The following MAPK10 variants were observed in gnomAD, a reference collection of about 807,000 sequenced individuals.
MAPK10 encodes the protein mitogen-activated protein kinase 10.
In MAPK10, 25 loss-of-function variants were observed where a neutral mutation model predicts 59.3. The ratio of observed to expected loss-of-function variants is 0.42; its 90% CI spans 0.31 to 0.59. The LOEUF (loss-of-function observed/expected upper bound fraction) is 0.59, where lower values mean the gene tolerates loss of function less well. Ranked by LOEUF, MAPK10 falls within the 20% of genes least tolerant of loss-of-function variation. The pLI is 0.15. For synonymous variants in MAPK10, 190 were observed against 200.5 expected (o/e 0.95, Z 0.44); for missense variants, 351 against 568.9 (o/e 0.62, Z 3.90).
chr4:86,450,467 A>T (rs1046589948), intron 1 of MAPK10, among the ~76,000 whole-genome samples: 1 of 152,236 alleles, frequency 6.6e-6, no homozygotes, highest in African/African-American at 2.4e-5. Context: ...AGTCTATTTG[A>T]AAACAGAAAG....
intron 3 of MAPK10, among the ~76,000 whole-genome samples, chr4:86,161,022 C>G (rs187861101): frequency 6.8e-4 from 104 of 151,978 alleles, no homozygotes; most frequent in African/African-American, 2.4e-3. Flanking sequence ...GTGGCAAAAC[C>G]TACAAATCCA....
chr4:86,532,067 TA>T (rs1484926358), intron 1 of MAPK10, among the ~76,000 whole-genome samples: 1 of 147,612 alleles, frequency 6.8e-6, no homozygotes, highest in African/African-American at 2.5e-5. Context: ...TTATATATAT[TA>T]TTTTTATATA....
intron 1 of MAPK10, among the ~76,000 whole-genome samples, chr4:86,585,312 T>C (rs953801642): frequency 6.6e-6 from 1 of 152,204 alleles, no homozygotes; most frequent in African/African-American, 2.4e-5. Context: ...CACAAATTAC[T>C]ATGGGCAAGA....
intron 1 of MAPK10, among the ~76,000 whole-genome samples, chr4:86,574,141 T>G (rs1057469361): frequency 6.6e-6 from 1 of 151,752 alleles, no homozygotes; most frequent in African/African-American, 2.4e-5. Flanking sequence ...CACCTATGAG[T>G]GAGAACATGC....
At chr4:86,239,059 G>T (rs1209544516) in intron 2 of MAPK10, among the ~76,000 whole-genome samples, 2 of 152,086 alleles carry the variant, frequency 1.3e-5, no homozygotes, top group African/African-American at 4.8e-5. Context: ...AACCCGAAGG[G>T]ATGTTGAATT....
chr4:86,456,080 G>A (rs1751201669), upstream of MAPK10, among the ~76,000 whole-genome samples: 1 of 152,118 alleles, frequency 6.6e-6, no homozygotes, highest in Non-Finnish European at 1.5e-5. Context: ...CTGAAATCAA[G>A]ATGGAAATTT....
At chr4:86,065,439 GT>G (rs1474389414) in intron 10 of MAPK10, 2 of 152,108 alleles carry the variant, frequency 1.3e-5, no homozygotes, top group Non-Finnish European at 2.9e-5. Context: ...TAATTTTATG[GT>G]TGTGGGCAGT....
chr4:86,021,961 C>G (rs1220325213), intron 13 of MAPK10, among the ~76,000 whole-genome samples: 1 of 152,228 alleles, frequency 6.6e-6, no homozygotes, highest in Non-Finnish European at 1.5e-5. Flanking sequence ...AAGCGCCGCA[C>G]GCGGCCCGGG....
intron 1 of MAPK10, among the ~76,000 whole-genome samples, chr4:86,392,153 G>A (rs552429541): frequency 3.3e-5 from 5 of 152,254 alleles, no homozygotes; most frequent in Admixed American, 1.3e-4. Context: ...AGGATTCAGC[G>A]TATGGCCAGG....
chr4:86,448,723 G>A (rs1750345282), intron 1 of MAPK10, among the ~76,000 whole-genome samples: 1 of 152,130 alleles, frequency 6.6e-6, no homozygotes, highest in South Asian at 2.1e-4. Flanking sequence ...GAGCAGGGAG[G>A]TGGCTTCAGG....
At position 86,224,206 on chromosome 4, in the gene MAPK10, C is replaced by A. The variant is rs1032654669; in HGVS notation, c.-6-29799G>T. Among the ~76,000 whole-genome samples, 4 of 152,152 alleles carry A rather than the reference C, an allele frequency of 2.6e-5. No individual in the cohort carries two copies. In the South Asian group the frequency reaches 8.3e-4, roughly 31 times the overall value. Reference sequence around the variant, plus strand: ...TGCATACTATGGGCCTGGAATTCTGCTAGACACTAAGAATACAGAGGAGTT... The same window carrying A: ...TGCATACTATGGGCCTGGAATTCTGATAGACACTAAGAATACAGAGGAGTT... On this transcript the variant is annotated intron_variant, in intron 2 of 13. Transcript: ENST00000641462.
chr4:86,369,247 G>A (rs1738384233), intron 1 of MAPK10, among the ~76,000 whole-genome samples: 1 of 152,124 alleles, frequency 6.6e-6, no homozygotes, highest in Non-Finnish European at 1.5e-5. Context: ...AGCAAAATAT[G>A]AGCCAAACAT....
At chr4:86,044,663 T>A in intron 11 of MAPK10, 2 of 397,152 alleles carry the variant, frequency 5.0e-6, no homozygotes, top group Non-Finnish European at 8.9e-6. Flanking sequence ...GTAATCAAAG[T>A]GGACACAAGA....
chr4:86,013,483 C>T lies in MAPK10; in HGVS notation c.*3745G>A, dbSNP rs1053558917. ...CTGGCTAATAACATGCCTTACAGAGCATAATGCACTTAAGATGTGGCTTTT... is the reference window on the plus strand; with the variant it reads ...CTGGCTAATAACATGCCTTACAGAGTATAATGCACTTAAGATGTGGCTTTT... On this transcript the variant is annotated 3_prime_UTR_variant, in exon 14 of 14. Transcript: ENST00000641462. The T allele has an allele frequency of 1.3e-5, 2 of 152,142 alleles. No individual in the cohort carries two copies. The highest frequency in any genetic ancestry group is 2.4e-5 in the African/African-American group (1 of 41,424). The allele number at this position is 152,142 out of a possible 1,614,324, so 9.4% of individuals were successfully genotyped here.
At chr4:86,397,682 T>C (rs1743121377) in intron 1 of MAPK10, among the ~76,000 whole-genome samples, 1 of 152,016 alleles carries the variant, frequency 6.6e-6, no homozygotes, top group Admixed American at 6.5e-5. Context: ...CCCTTGTTCT[T>C]GCACCTATCA....
intron 1 of MAPK10, among the ~76,000 whole-genome samples, chr4:86,541,905 A>AAATATAT (rs1471083908): frequency 6.6e-6 from 1 of 151,484 alleles, no homozygotes; most frequent in Non-Finnish European, 1.5e-5. Context: ...AGCTGATACA[A>AAATATAT]AATATATAAT....
intron 11 of MAPK10, chr4:86,044,784 A>C (rs2042205964): frequency 2.5e-6 from 1 of 397,480 alleles, no homozygotes; most frequent in South Asian, 1.3e-4. Context: ...AGAGCACTGA[A>C]GCACCATTGA....
chr4:86,542,617 A>G (rs1007073505), intron 1 of MAPK10: 1 of 154,326 alleles, frequency 6.5e-6, no homozygotes, highest in East Asian at 1.9e-4. Flanking sequence ...TCTAAAAAAA[A>G]GAAACTCCCT....
chr4:86,545,692 G>T (rs1054427242), intron 1 of MAPK10, among the ~76,000 whole-genome samples: 8 of 152,188 alleles, frequency 5.3e-5, no homozygotes, highest in African/African-American at 1.9e-4. Context: ...GGACAGGAAG[G>T]AGAAGAGAGG....
Sources: gnomAD v4.1 joint callset for allele counts (sites outside exome capture counted in the v4.1 genomes callset) on GRCh38, gnomAD v4.1.1 for gene constraint, MANE v1.5 for transcripts, NCBI Gene and HGNC (gene_info 2026-07-23, HGNC 2026-07-21) for gene names.